Variants in LEKR1 observed in about 807,000 individuals in gnomAD.
LEKR1 encodes the protein leucine, glutamate and lysine rich 1, also known as protein LEKR1.
LEKR1 carries 59 observed loss-of-function variants against 72.4 expected under a neutral mutation model. The observed-to-expected ratio is 0.82, with a 90% CI of 0.66 to 1.01. The LOEUF (loss-of-function observed/expected upper bound fraction) is 1.01, where lower values mean the gene tolerates loss of function less well. Among genes scored for constraint, LEKR1 ranks in the 50% least tolerant of loss-of-function variants. LEKR1 has a pLI of 0.00. For missense variants in LEKR1, 728 were observed against 759.2 expected (o/e 0.96, Z 0.48); for synonymous variants, 257 against 263.2 (o/e 0.98, Z 0.23).
intron 9 of LEKR1, among the ~76,000 whole-genome samples, chr3:156,996,412 C>A (rs776740295): frequency 3.9e-5 from 6 of 152,058 alleles, no homozygotes; most frequent in South Asian, 2.1e-4. Context: ...TGGCTAGTGG[C>A]ATAGTAAGTG....
intron 4 of LEKR1, 30 bp downstream of exon 4, chr3:156,920,724 A>G (rs1413849106): frequency 2.5e-6 from 3 of 1,195,250 alleles, no homozygotes; most frequent in Non-Finnish European, 3.5e-6. Context: ...AATTATAAAG[A>G]TTGAAAAGAT....
At chr3:156,865,066 A>G (rs907960191) in intron 3 of LEKR1, among the ~76,000 whole-genome samples, 3 of 151,966 alleles carry the variant, frequency 2.0e-5, no homozygotes, top group African/African-American at 7.2e-5. Flanking sequence ...TCTTTTTAAC[A>G]TCTTCACCTG....
intron 1 of LEKR1, chr3:156,827,009 G>C (rs1046405792): frequency 1.9e-5 from 3 of 154,360 alleles, no homozygotes; most frequent in African/African-American, 7.2e-5. Flanking sequence ...CACCCACGTA[G>C]CTGCAGCCAC....
chr3:157,022,365 G>A (rs1229295248), intron 10 of LEKR1, among the ~76,000 whole-genome samples: 1 of 152,200 alleles, frequency 6.6e-6, no homozygotes, highest in African/African-American at 2.4e-5. Context: ...ATGGGTTGGA[G>A]TGAAGCAGGA....
chr3:156,995,116 ATAAAG>A (rs1318130272), intron 9 of LEKR1, among the ~76,000 whole-genome samples: 3 of 152,242 alleles, frequency 2.0e-5, no homozygotes, highest in Non-Finnish European at 4.4e-5. Context: ...GGGATCAAAA[ATAAAG>A]TAAATTTTTC....
chr3:156,949,897 G>A lies in LEKR1; in HGVS notation c.745+7183G>A, dbSNP rs1727000829. Among the ~76,000 whole-genome samples, 3 of 151,282 alleles carry A rather than the reference G, an allele frequency of 2.0e-5. No homozygotes were observed. In the South Asian group the frequency reaches 6.2e-4, roughly 31 times the overall value. Reference sequence around the variant, plus strand: ...GGTTACAGGTCACTATGGCCTTGTAGAATGAGTTGGGAAATATACTTTAAT... The same window carrying A: ...GGTTACAGGTCACTATGGCCTTGTAAAATGAGTTGGGAAATATACTTTAAT... On this transcript the variant is annotated intron_variant, in intron 6 of 12. Transcript: ENST00000356539.
intron 6 of LEKR1, among the ~76,000 whole-genome samples, chr3:156,954,337 A>C (rs62275821): frequency 0.032 from 4,810 of 151,708 alleles, 117 homozygotes; most frequent in Non-Finnish European, 0.047. Flanking sequence ...TTAATAGTTT[A>C]TTTTGCTGTG....
At chr3:156,951,279 G>A (rs1202825350) in intron 6 of LEKR1, among the ~76,000 whole-genome samples, 4 of 151,704 alleles carry the variant, frequency 2.6e-5, no homozygotes, top group African/African-American at 9.7e-5. Flanking sequence ...ATTTTGTTAA[G>A]GATTTTTGCA....
At chr3:156,881,131 T>C (rs1420647541) in intron 3 of LEKR1, among the ~76,000 whole-genome samples, 2 of 152,208 alleles carry the variant, frequency 1.3e-5, no homozygotes, top group Non-Finnish European at 2.9e-5. Context: ...TTCAACATAG[T>C]GTTGGAAGTT....
chr3:156,867,377 C>G (rs1717429166), intron 3 of LEKR1, among the ~76,000 whole-genome samples: 2 of 151,974 alleles, frequency 1.3e-5, no homozygotes, highest in Non-Finnish European at 2.9e-5. Flanking sequence ...TAACTCATTT[C>G]TATATGTCAA....
intron 3 of LEKR1, among the ~76,000 whole-genome samples, chr3:156,870,614 TATC>T (rs1276919766): frequency 6.6e-6 from 1 of 152,118 alleles, no homozygotes; most frequent in East Asian, 1.9e-4. Context: ...TAGATATTTA[TATC>T]ATCAGCAAAG....
intron 3 of LEKR1, among the ~76,000 whole-genome samples, chr3:156,919,000 G>A (rs1389128319): frequency 6.6e-6 from 1 of 152,144 alleles, no homozygotes; most frequent in East Asian, 1.9e-4. Flanking sequence ...CCCCTCCCTT[G>A]TGAGTGAATG....
intron 11 of LEKR1, among the ~76,000 whole-genome samples, chr3:157,027,532 G>A (rs565126564): frequency 6.6e-6 from 1 of 152,206 alleles, no homozygotes; most frequent in Admixed American, 6.5e-5. Flanking sequence ...GACTTGAGCT[G>A]AGGCTGGGCA....
chr3:156,926,020 A>T (rs972759876), intron 4 of LEKR1, among the ~76,000 whole-genome samples: 1 of 152,104 alleles, frequency 6.6e-6, no homozygotes, highest in African/African-American at 2.4e-5. Flanking sequence ...AGCAAATCGT[A>T]ATAACTTTTT....
intron 6 of LEKR1, among the ~76,000 whole-genome samples, chr3:156,967,414 G>A (rs951261180): frequency 6.6e-6 from 1 of 152,168 alleles, no homozygotes; most frequent in African/African-American, 2.4e-5. Context: ...AATAACCAGT[G>A]CAGAGAAGTC....
intron 6 of LEKR1, among the ~76,000 whole-genome samples, chr3:156,952,448 C>T (rs1287883739): frequency 6.6e-6 from 1 of 151,184 alleles, no homozygotes; most frequent in East Asian, 1.9e-4. Flanking sequence ...TAGCTTTGAT[C>T]TTTTTTCCTT....
intron 2 of LEKR1, among the ~76,000 whole-genome samples, chr3:156,831,863 T>A (rs1712457856): frequency 6.6e-6 from 1 of 152,194 alleles, no homozygotes; most frequent in Non-Finnish European, 1.5e-5. Flanking sequence ...GTTTGGAGGT[T>A]AAAGGCAAGA....
intron 10 of LEKR1, among the ~76,000 whole-genome samples, chr3:157,018,455 A>T (rs1049663078): frequency 6.6e-6 from 1 of 152,206 alleles, no homozygotes; most frequent in Non-Finnish European, 1.5e-5. Context: ...GTTTAAAAGG[A>T]TTCACATCAT....
chr3:156,936,467 C>CACACACA (rs767163001), intron 5 of LEKR1, among the ~76,000 whole-genome samples: 2,883 of 70,086 alleles, frequency 0.041, 100 homozygotes, highest in African/African-American at 0.077. Flanking sequence ...ACACACACAC[C>CACACACA]CCCCGTATGC....
Sources: allele counts gnomAD v4.1 joint callset (sites outside exome capture counted in the v4.1 genomes callset), GRCh38; gene constraint gnomAD v4.1.1; transcripts MANE v1.5; gene names NCBI Gene and HGNC (gene_info 2026-07-23, HGNC 2026-07-21).